ANKS1B: variants seen among roughly 807,000 people sequenced by gnomAD.
The protein encoded by ANKS1B is ankyrin repeat and sterile alpha motif domain containing 1B.
A neutral mutation model predicts 148.3 loss-of-function variants in ANKS1B; 36 were observed. The ratio of observed to expected loss-of-function variants is 0.24; its 90% confidence interval spans 0.19 to 0.32. The LOEUF (loss-of-function observed/expected upper bound fraction) is 0.32. ANKS1B is among the 10% of genes least tolerant of loss of function. The probability of loss-of-function intolerance (pLI) is 1.00; values close to 1 mark genes in which losing one functional copy is unlikely to be tolerated. For synonymous variants in ANKS1B, 542 were observed against 560.8 expected (o/e 0.97, Z 0.47); for missense variants, 1,157 against 1,542.6 (o/e 0.75, Z 4.19).
At chr12:98,907,969 C>G (rs941577132) in intron 17 of ANKS1B, among the ~76,000 whole-genome samples, 2 of 152,136 alleles carry the variant, frequency 1.3e-5, no homozygotes, top group African/African-American at 4.8e-5. Context: ...AACTGTGAGT[C>G]CATTAAACCT....
intron 1 of ANKS1B, among the ~76,000 whole-genome samples, chr12:99,874,021 A>T (rs546750648): frequency 8.8e-5 from 13 of 148,470 alleles, no homozygotes; most frequent in South Asian, 2.1e-4. Flanking sequence ...TCTCTCTCTC[A>T]CATATATATA....
At chr12:99,977,039 T>C (rs1270478132) in intron 1 of ANKS1B, among the ~76,000 whole-genome samples, 1 of 152,182 alleles carries the variant, frequency 6.6e-6, no homozygotes, top group Non-Finnish European at 1.5e-5. Flanking sequence ...CATTATTTTG[T>C]GAGGAGCCTC....
chr12:98,797,616 G>C (rs1321377187), intron 22 of ANKS1B, among the ~76,000 whole-genome samples: 1 of 152,092 alleles, frequency 6.6e-6, no homozygotes, highest in Admixed American at 6.6e-5. Context: ...GACAATTTAA[G>C]TACTGTCTAA....
rs58989270 is a variant in ANKS1B, at chr12:98,918,133, T to A, written c.2779-85997A>T. On this transcript the variant is annotated intron_variant, in intron 17 of 26. Transcript: ENST00000683438. Reference sequence around the variant, plus strand: ...TCCTGCATAAGGACTATTTCCTGCATACGCAGCTGTGTTCTGGGCTGGGTG... The same window carrying A: ...TCCTGCATAAGGACTATTTCCTGCAAACGCAGCTGTGTTCTGGGCTGGGTG... Among the ~76,000 whole-genome samples, 128 of 152,386 alleles carry A rather than the reference T, an allele frequency of 8.4e-4. 4 individuals carry two copies. The East Asian group carries it at 0.022, about 27-fold the overall frequency.
rs933124704 is a variant in ANKS1B at position 99,939,667 on chromosome 12, A to G, written c.134+44437T>C. ...GGATCAAGGTAACTAAAAACAAATG[A>G]CAAGGTTTCTCTTTTTATTATTCAA... On this transcript the variant is annotated intron_variant, in intron 1 of 26. Transcript: ENST00000683438. 5.1e-4 allele frequency among the ~76,000 whole-genome samples: 77 copies of G among 152,314 alleles called. 1 individual carries two copies. The highest frequency in any genetic ancestry group is 1.5e-4 in the Non-Finnish European group (10 of 68,016).
intron 14 of ANKS1B, among the ~76,000 whole-genome samples, chr12:99,188,083 C>G (rs977567139): frequency 6.6e-6 from 1 of 151,576 alleles, no homozygotes; most frequent in African/African-American, 2.4e-5. Flanking sequence ...CAACAAAGAT[C>G]AAGAGAGACA....
Position 99,139,436 on chromosome 12 carries a change from T to C in ANKS1B, c.2526+14853A>G, listed in dbSNP as rs1400880334. Among the ~76,000 whole-genome samples, 2 of 12,774 alleles carry C rather than the reference T, an allele frequency of 1.6e-4. 1 individual carries two copies. The highest frequency in any genetic ancestry group is 3.0e-3 in the African/African-American group (2 of 676). 8.4% of individuals were successfully genotyped at this position (12,774 alleles called of 152,430 possible). ...TTTCTTTCTTTCTTTCTTTCTTTCTTTCTTTTTCTTTCTTTCTTTCTTTCA... is the reference window on the plus strand; with the variant it reads ...TTTCTTTCTTTCTTTCTTTCTTTCTCTCTTTTTCTTTCTTTCTTTCTTTCA... On this transcript the variant is annotated intron_variant, in intron 15 of 26. Transcript: ENST00000683438.
intron 1 of ANKS1B, among the ~76,000 whole-genome samples, chr12:99,899,624 A>C (rs11610063): frequency 0.17 from 26,093 of 152,066 alleles, 2,797 homozygotes; most frequent in Non-Finnish European, 0.24. Flanking sequence ...TTATTTCAAG[A>C]GGAAAAAAAG....
chr12:99,307,177 A>T (rs1346044481), intron 12 of ANKS1B, among the ~76,000 whole-genome samples: 5 of 152,048 alleles, frequency 3.3e-5, no homozygotes, highest in Non-Finnish European at 1.5e-5. Context: ...CACAGGAAAA[A>T]CTGTATAATT....
intron 14 of ANKS1B, among the ~76,000 whole-genome samples, chr12:99,163,107 G>A (rs989134676): frequency 6.6e-6 from 1 of 151,112 alleles, no homozygotes; most frequent in Non-Finnish European, 1.5e-5. Flanking sequence ...ATTATTTGTT[G>A]GTTATTTGTA....
chr12:98,738,417 G>C (rs1160846980), intron 9 of ANKS1B, among the ~76,000 whole-genome samples: 3 of 152,138 alleles, frequency 2.0e-5, no homozygotes, highest in African/African-American at 7.2e-5. Context: ...TGGGGGTTCA[G>C]AGCAACCGAT....
chr12:99,358,612 T>G (rs1376022978), intron 12 of ANKS1B, among the ~76,000 whole-genome samples: 2 of 152,072 alleles, frequency 1.3e-5, no homozygotes, highest in African/African-American at 4.8e-5. Context: ...TTTTAACTGG[T>G]AAGTTTAACA....
At chr12:99,428,111 T>C (rs114260341) in intron 11 of ANKS1B, among the ~76,000 whole-genome samples, 2,124 of 152,266 alleles carry the variant, frequency 0.014, 48 homozygotes, top group South Asian at 0.04. Flanking sequence ...ATCACTCTCC[T>C]CACATGGGAA....
chr12:99,843,434 G>A (rs918878985), intron 1 of ANKS1B, among the ~76,000 whole-genome samples: 1 of 151,908 alleles, frequency 6.6e-6, no homozygotes, highest in African/African-American at 2.4e-5. Flanking sequence ...AACAGGCCCT[G>A]TATGTGCTGT....
intron 25 of ANKS1B, among the ~76,000 whole-genome samples, chr12:98,760,765 T>C (rs1235759419): frequency 6.6e-6 from 1 of 152,230 alleles, no homozygotes; most frequent in African/African-American, 2.4e-5. Flanking sequence ...AGTGCGGAAT[T>C]GACCCTTTAA....
chr12:98,952,947 C>T (rs536455749), intron 17 of ANKS1B, among the ~76,000 whole-genome samples: 8 of 152,090 alleles, frequency 5.3e-5, no homozygotes, highest in Non-Finnish European at 1.2e-4. Flanking sequence ...TAGTTTCAAA[C>T]TCCGGGGCTC....
intron 15 of ANKS1B, among the ~76,000 whole-genome samples, chr12:99,123,986 G>A (rs1718437966): frequency 6.6e-6 from 1 of 152,154 alleles, no homozygotes; most frequent in Admixed American, 6.5e-5. Flanking sequence ...AAGAACAGAA[G>A]GTGATGAAAT....
chr12:99,567,581 G>C (rs2097409270), intron 9 of ANKS1B, among the ~76,000 whole-genome samples: 1 of 152,066 alleles, frequency 6.6e-6, no homozygotes, highest in South Asian at 2.1e-4. Flanking sequence ...CTTGACACTA[G>C]AACTAATCCA....
intron 17 of ANKS1B, among the ~76,000 whole-genome samples, chr12:98,924,043 C>T (rs1434005150): frequency 2.6e-5 from 4 of 152,174 alleles, no homozygotes; most frequent in Non-Finnish European, 5.9e-5. Context: ...GGCATGTGGG[C>T]GCCAGACTTA....
Sources: gnomAD v4.1 joint callset for allele counts (sites outside exome capture counted in the v4.1 genomes callset) on GRCh38, gnomAD v4.1.1 for gene constraint, MANE v1.5 for transcripts, NCBI Gene and HGNC (gene_info 2026-07-23, HGNC 2026-07-21) for gene names.